The following FYN variants were observed in gnomAD, a reference collection of about 807,000 sequenced individuals.
FYN encodes FYN proto-oncogene, Src family tyrosine kinase.
FYN carries 10 observed loss-of-function variants against 70.2 expected under a neutral mutation model. The observed-to-expected ratio is 0.14, with a 90% CI of 0.09 to 0.24. FYN has a LOEUF of 0.24. Ranked by LOEUF, FYN falls within the 10% of genes least tolerant of loss-of-function variation. The pLI, the probability that FYN is intolerant of heterozygous loss-of-function variation, is 1.00. For missense variants in FYN, 319 were observed against 673.1 expected, an observed-to-expected ratio of 0.47 and a Z score of 5.82; for synonymous variants, 236 against 248.6, an observed-to-expected ratio of 0.95 and a Z score of 0.48.
intron 4 of FYN, among the ~76,000 whole-genome samples, chr6:111,717,382 C>T (rs192314549): frequency 1.9e-4 from 29 of 152,196 alleles, no homozygotes; most frequent in African/African-American, 5.3e-4. Context: ...ATAGTAGTTC[C>T]CTGCAGTCTG....
At position 111,830,313 on chromosome 6, in the gene FYN, A is replaced by G. The variant is rs1043429657; in HGVS notation, c.-82+16276T>C. On this transcript the variant is annotated intron_variant, in intron 2 of 13. Transcript: ENST00000354650. ...GAGACAGATATGCAAGGAACCTGGA[A>G]AAATAGTTTCTGGCAGAAATGGGAG... is the stretch of plus-strand genomic sequence containing the variant. 3.5e-4 allele frequency among the ~76,000 whole-genome samples: 53 copies of G among 152,310 alleles called. 1 individual carries two copies. The highest frequency in any genetic ancestry group is 1.2e-3 in the African/African-American group (49 of 41,558).
At chr6:111,856,760 A>G (rs1001287606) in intron 1 of FYN, among the ~76,000 whole-genome samples, 4 of 152,170 alleles carry the variant, frequency 2.6e-5, no homozygotes, top group African/African-American at 7.2e-5. Context: ...CAAGGTAAAA[A>G]TATGAGATGC....
chr6:111,832,321 CACTTG>C (rs1166692514), intron 2 of FYN, among the ~76,000 whole-genome samples: 1 of 152,184 alleles, frequency 6.6e-6, no homozygotes, highest in Non-Finnish European at 1.5e-5. Context: ...TTGTTTCCTT[CACTTG>C]ATTTTCCAGC....
intron 3 of FYN, 115 bp from the exon 4 acceptor site, chr6:111,720,177 T>A (rs1201109153): frequency 1.6e-6 from 2 of 1,230,824 alleles, no homozygotes; most frequent in East Asian, 2.5e-5. Flanking sequence ...TCAGGCCTAT[T>A]AGGGGGCATG....
At chr6:111,796,183 T>C (rs994041553) in intron 2 of FYN, among the ~76,000 whole-genome samples, 2 of 152,206 alleles carry the variant, frequency 1.3e-5, no homozygotes, top group Admixed American at 6.5e-5. Context: ...GCTAGAGCTC[T>C]TGCCCACCAC....
At chr6:111,793,844 C>T (rs1166220244) in intron 2 of FYN, 2 of 152,216 alleles carry the variant, frequency 1.3e-5, no homozygotes, top group Admixed American at 6.5e-5. Flanking sequence ...GCATAGAAAC[C>T]GCGTGGTCAC....
intron 12 of FYN, among the ~76,000 whole-genome samples, chr6:111,692,100 TTCCCCC>T (rs1799347510): frequency 7.0e-6 from 1 of 142,982 alleles, no homozygotes; most frequent in South Asian, 2.7e-4. Context: ...CAAGCTTCAT[TTCCCCC>T]CCCCCCAGTT....
At position 111,843,148 on chromosome 6, in the gene FYN, A is replaced by C. The variant is rs185381477; in HGVS notation, c.-82+3441T>G. 6.4e-3 allele frequency among the ~76,000 whole-genome samples: 970 copies of C among 152,318 alleles called. 11 individuals carry two copies. The highest frequency in any genetic ancestry group is 9.7e-3 in the Non-Finnish European group (658 of 68,024). ...GTCTCACTGAAACTGCAGAAATGGCAGGGGCCTCTCTCATGGCAGGCACTG... is the reference window on the plus strand; with the variant it reads ...GTCTCACTGAAACTGCAGAAATGGCCGGGGCCTCTCTCATGGCAGGCACTG... On this transcript the variant is annotated intron_variant, in intron 2 of 13. Transcript: ENST00000354650.
At chr6:111,669,438 CAAAAAAAAAAA>C (rs10690295) in intron 13 of FYN, among the ~76,000 whole-genome samples, 1 of 56,868 alleles carries the variant, frequency 1.8e-5, no homozygotes, top group Non-Finnish European at 3.2e-5. Flanking sequence ...CCATCCATCT[CAAAAAAAAAAA>C]AAAAAAAAAA....
intron 2 of FYN, among the ~76,000 whole-genome samples, chr6:111,800,012 G>T (rs987420176): frequency 6.6e-6 from 1 of 152,170 alleles, no homozygotes; most frequent in African/African-American, 2.4e-5. Flanking sequence ...AGTGTGCCAT[G>T]ATATATTCAG....
At chr6:111,722,709 G>GC (rs1306158068) in intron 3 of FYN, among the ~76,000 whole-genome samples, 1 of 152,132 alleles carries the variant, frequency 6.6e-6, no homozygotes, top group Non-Finnish European at 1.5e-5. Context: ...ACACTCAGAG[G>GC]GGAGGGATAC....
intron 3 of FYN, among the ~76,000 whole-genome samples, chr6:111,733,975 T>C (rs1185940272): frequency 6.6e-6 from 1 of 152,028 alleles, no homozygotes. Context: ...TAGTCTCAGT[T>C]ACTTGGGGGG....
intron 12 of FYN, among the ~76,000 whole-genome samples, chr6:111,685,362 G>C (rs778777044): frequency 4.6e-5 from 7 of 152,230 alleles, no homozygotes; most frequent in Non-Finnish European, 1.0e-4. Context: ...TTGACTGGGA[G>C]CTCAGAACAT....
At chr6:111,805,206 C>A (rs1312534819) in intron 2 of FYN, among the ~76,000 whole-genome samples, 3 of 152,174 alleles carry the variant, frequency 2.0e-5, no homozygotes, top group African/African-American at 7.2e-5. Context: ...AGCGAAGAGG[C>A]TGGCAACCAC....
chr6:111,685,675 G>C (rs1193234922), intron 12 of FYN, among the ~76,000 whole-genome samples: 1 of 152,222 alleles, frequency 6.6e-6, no homozygotes, highest in Non-Finnish European at 1.5e-5. Context: ...GCAGTCTACA[G>C]TTCCTATTTA....
intron 1 of FYN, among the ~76,000 whole-genome samples, chr6:111,864,084 C>T (rs951675428): frequency 2.0e-5 from 3 of 152,140 alleles, no homozygotes; most frequent in Non-Finnish European, 4.4e-5. Context: ...TATTTGTGCT[C>T]TTTTCTTATT....
Position 111,678,028 on chromosome 6 carries a change from T to C in FYN, c.1274-3398A>G, listed in dbSNP as rs546239369. ...GTTTACATGAATTCAAAAAAAGAAGTGACCACTCTGTCATTTCTTACTGAA... is the reference window on the plus strand; with the variant it reads ...GTTTACATGAATTCAAAAAAAGAAGCGACCACTCTGTCATTTCTTACTGAA... On this transcript the variant is annotated intron_variant, in intron 12 of 13. Coordinates refer to ENST00000354650, the MANE Select transcript of FYN (RefSeq NM_002037.5). 4.6e-5 allele frequency among the ~76,000 whole-genome samples: 7 copies of C among 152,020 alleles called. No individual in the cohort carries two copies. The South Asian group carries it at 1.5e-3, about 32-fold the overall frequency.
intron 5 of FYN, among the ~76,000 whole-genome samples, chr6:111,712,732 T>C (rs927279939): frequency 4.6e-5 from 7 of 152,208 alleles, no homozygotes; most frequent in Admixed American, 3.3e-4. Context: ...TAGCTGTTTA[T>C]TATTTTTTAA....
chr6:111,675,037 C>T (rs995004801), intron 12 of FYN, among the ~76,000 whole-genome samples: 4 of 152,112 alleles, frequency 2.6e-5, no homozygotes, highest in African/African-American at 7.2e-5. Flanking sequence ...AACCACTGAG[C>T]TGCTCCCAGG....
Sources: gnomAD v4.1 joint callset for allele counts (sites outside exome capture counted in the v4.1 genomes callset) on GRCh38, gnomAD v4.1.1 for gene constraint, MANE v1.5 for transcripts, NCBI Gene and HGNC (gene_info 2026-07-23, HGNC 2026-07-21) for gene names.